Variants in ZNF292 observed in about 807,000 individuals in gnomAD.
The protein encoded by ZNF292 is zinc finger protein 292, also known as 16 zinc-finger domain protein.
In ZNF292, 26 loss-of-function variants were observed where a neutral mutation model predicts 217.9. That is an observed-to-expected ratio of 0.12 (90% CI 0.09 to 0.17). The LOEUF (loss-of-function observed/expected upper bound fraction) is 0.17, where lower values mean the gene tolerates loss of function less well. Ranked by LOEUF, ZNF292 falls within the 10% of genes least tolerant of loss-of-function variation. The pLI, the probability that ZNF292 is intolerant of heterozygous loss-of-function variation, is 1.00. For synonymous variants in ZNF292, 1,257 were observed against 1,124.1 expected (o/e 1.12, Z -2.37); for missense variants, 2,904 against 3,175.2 (o/e 0.91, Z 2.05).
At chr6:87,244,725 G>C (rs1774478752) in intron 6 of ZNF292, among the ~76,000 whole-genome samples, 1 of 151,812 alleles carries the variant, frequency 6.6e-6, no homozygotes. Context: ...TGTCATCATT[G>C]GTTCTTATAT....
intron 6 of ZNF292, 86 bp downstream of exon 6, chr6:87,243,697 T>A: frequency 8.2e-7 from 1 of 1,218,310 alleles, no homozygotes; most frequent in South Asian, 2.3e-5. Context: ...CTTAGGAACA[T>A]AATTTAAAAT....
chr6:87,229,173 A>G (rs942945750), intron 4 of ZNF292, among the ~76,000 whole-genome samples: 3 of 152,052 alleles, frequency 2.0e-5, no homozygotes, highest in South Asian at 2.1e-4. Flanking sequence ...TTTTGTTGCA[A>G]TTGTAAATGG....
At chr6:87,171,124 G>A (rs1771081147) in intron 1 of ZNF292, among the ~76,000 whole-genome samples, 1 of 152,110 alleles carries the variant, frequency 6.6e-6, no homozygotes, top group African/African-American at 2.4e-5. Flanking sequence ...AAGAAAGTAG[G>A]ATTAGACTTT....
At chr6:87,248,292 G>C (rs1445715960) in intron 7 of ZNF292, among the ~76,000 whole-genome samples, 2 of 152,016 alleles carry the variant, frequency 1.3e-5, no homozygotes, top group Non-Finnish European at 2.9e-5. Context: ...ATCTGTCATT[G>C]GTCAGTAAGT....
chr6:87,214,038 G>C (rs560759909), intron 1 of ZNF292, among the ~76,000 whole-genome samples: 1 of 152,166 alleles, frequency 6.6e-6, no homozygotes, highest in Non-Finnish European at 1.5e-5. Flanking sequence ...ACAGTTTGGG[G>C]TATCAGTTTC....
At chr6:87,247,869 CAAA>C in intron 7 of ZNF292, among the ~76,000 whole-genome samples, 1 of 152,092 alleles carries the variant, frequency 6.6e-6, no homozygotes, top group East Asian at 1.9e-4. Context: ...TAAAAAGAGT[CAAA>C]AGAACGTTTG....
At chr6:87,230,068 T>C (rs982236768) in intron 4 of ZNF292, among the ~76,000 whole-genome samples, 7 of 152,176 alleles carry the variant, frequency 4.6e-5, no homozygotes, top group African/African-American at 1.7e-4. Flanking sequence ...GATAGATTGA[T>C]GTCTGGGTGA....
Position 87,260,154 on chromosome 6 carries a change from G to A in ZNF292, c.6525G>A (p.Gln2175=). 1 of 1,613,008 alleles carries A rather than the reference G, an allele frequency of 6.2e-7. No individual in the cohort carries two copies. The highest frequency in any genetic ancestry group is 8.5e-7 in the Non-Finnish European group (1 of 1,179,232). ...TKQTLKEFRC[Q]VSDCSRIFQA... is the part of the protein sequence containing the mutation. ...AAACTTTGAAAGAATTTCGATGTCA[G>A]GTAAGTGACTGTTCTCGAATTTTCC... is the stretch of plus-strand genomic sequence containing the variant. Residue 2175 remains glutamine (Q), a synonymous_variant, in exon 8 of 8, where the codon CAG becomes CAA. Transcript: ENST00000369577.
chr6:87,212,126 G>C (rs547164913), intron 1 of ZNF292, among the ~76,000 whole-genome samples: 2 of 152,176 alleles, frequency 1.3e-5, no homozygotes, highest in African/African-American at 4.8e-5. Flanking sequence ...TCAGGAAAAT[G>C]CTATACTTAC....
At chr6:87,176,444 C>T (rs1434368001) in intron 1 of ZNF292, among the ~76,000 whole-genome samples, 1 of 152,088 alleles carries the variant, frequency 6.6e-6, no homozygotes, top group Non-Finnish European at 1.5e-5. Context: ...AGCGAGGGCA[C>T]CTCTGGAATG....
At chr6:87,205,215 G>C (rs1415685048) in intron 1 of ZNF292, among the ~76,000 whole-genome samples, 1 of 151,986 alleles carries the variant, frequency 6.6e-6, no homozygotes, top group African/African-American at 2.4e-5. Flanking sequence ...TGGGACTACA[G>C]ACATGTGCCA....
rs768468417 is a variant in ZNF292, at chr6:87,255,581, A to G, written c.1952A>G (p.Asn651Ser). The change falls in exon 8 of 8, where the codon AAT becomes AGT. Residue 651 changes from asparagine (N) to serine (S), a missense_variant. Asn to Ser is a conservative substitution (Grantham distance 46, BLOSUM62 1). Coordinates refer to ENST00000369577, the MANE Select transcript of ZNF292 (RefSeq NM_015021.3). ...ACAGATTTTATAGTGTTTAATGACA[A>G]TGATGGTTCAGATGATGAGAATGAT... ...YSTDFIVFND[N>S]DGSDDENDDK... is the part of the protein sequence containing the mutation. 54 of 1,610,958 alleles carry G rather than the reference A, an allele frequency of 3.4e-5. No homozygotes were observed. Among genetic ancestry groups the G allele is most frequent in the Middle Eastern group, 1.6e-4 (1 of 6,082 alleles).
chr6:87,199,562 A>G (rs1772050103), intron 1 of ZNF292, among the ~76,000 whole-genome samples: 1 of 152,188 alleles, frequency 6.6e-6, no homozygotes, highest in Admixed American at 6.5e-5. Flanking sequence ...CTCTTCAAGA[A>G]GTTTTATAGG....
In ZNF292 at chr6:87,255,748, G is replaced by A; in HGVS notation, c.2119G>A (p.Asp707Asn). The change falls in exon 8 of 8, where the codon GAT (aspartate) becomes AAT (asparagine). Residue 707 changes from aspartate to asparagine, a missense_variant. Physicochemically the swap from Asp to Asn is conservative, Grantham distance 23. Transcript: ENST00000369577. ...AATTGCTCATGTGAAGGGGCATAAA[G>A]ATAATGAAGACGCCAAGCGCTTTCT... ...NLIAHVKGHK[D>N]NEDAKRFLEM... 1 of 1,613,804 alleles carries A rather than the reference G, an allele frequency of 6.2e-7. No homozygotes were observed. Among genetic ancestry groups the A allele is most frequent in the African/African-American group, 1.3e-5 (1 of 75,058 alleles).
chr6:87,204,291 G>A (rs1772177336), intron 1 of ZNF292, among the ~76,000 whole-genome samples: 1 of 152,142 alleles, frequency 6.6e-6, no homozygotes, highest in Admixed American at 6.5e-5. Context: ...AATAATGTCT[G>A]CAGATTAAAT....
At chr6:87,221,400 C>T (rs1005496485) in intron 4 of ZNF292, among the ~76,000 whole-genome samples, 1 of 152,182 alleles carries the variant, frequency 6.6e-6, no homozygotes, top group Non-Finnish European at 1.5e-5. Context: ...TAAAACATCA[C>T]TAATAAATTA....
intron 1 of ZNF292, among the ~76,000 whole-genome samples, chr6:87,201,197 G>A (rs576200197): frequency 8.5e-4 from 130 of 152,170 alleles, no homozygotes; most frequent in Non-Finnish European, 1.2e-3. Flanking sequence ...TATTATTTGC[G>A]AATATGAGAT....
rs1292701740 is a variant in ZNF292, at chr6:87,260,394, A to T, written c.6765A>T (p.Val2255=). The change falls in exon 8 of 8, where the codon GTA becomes GTT. Residue 2255 remains valine, a synonymous_variant. Transcript: ENST00000369577. ...LRASKTEEDG[V]YKCDCEGCDR... The stretch of plus-strand genomic sequence containing the variant: ...CAAGTAAAACAGAAGAAGATGGTGT[A>T]TACAAATGTGATTGTGAAGGCTGTG... 7.4e-6 allele frequency: 12 copies of T among 1,613,522 alleles called. No homozygotes were observed. The highest frequency in any genetic ancestry group is 1.0e-5 in the Non-Finnish European group (12 of 1,179,696).
chr6:87,231,682 A>G (rs1230200767), intron 4 of ZNF292, among the ~76,000 whole-genome samples: 2 of 152,196 alleles, frequency 1.3e-5, no homozygotes, highest in East Asian at 3.8e-4. Context: ...AAATGCTGCT[A>G]TTTGAGAATG....
Sources: gnomAD v4.1 joint callset for allele counts (sites outside exome capture counted in the v4.1 genomes callset) on GRCh38, gnomAD v4.1.1 for gene constraint, MANE v1.5 for transcripts, NCBI Gene and HGNC (gene_info 2026-07-23, HGNC 2026-07-21) for gene names.